The following KANSL1 variants were observed in gnomAD, a reference collection of about 807,000 sequenced individuals.
The protein encoded by KANSL1 is KAT8 regulatory NSL complex subunit 1, also known as MLL1/MLL complex subunit KANSL1.
Under a neutral mutation model 103.6 loss-of-function variants are expected in KANSL1, and 22 were observed. That is an observed-to-expected ratio of 0.21 (90% confidence interval 0.15 to 0.30). KANSL1 has a LOEUF of 0.30. Ranked by LOEUF, KANSL1 falls within the 10% of genes least tolerant of loss-of-function variation. The probability of loss-of-function intolerance (pLI) is 1.00; values close to 1 mark genes in which losing one functional copy is unlikely to be tolerated. For missense variants in KANSL1, 1,337 were observed against 1,399.8 expected (o/e 0.96, Z 0.72); for synonymous variants, 600 against 527.6 (o/e 1.14, Z -1.88).
chr17:46,137,189 C>A (rs995934905), intron 2 of KANSL1, among the ~76,000 whole-genome samples: 16 of 152,184 alleles, frequency 1.1e-4, no homozygotes, highest in Non-Finnish European at 1.9e-4. Flanking sequence ...TGCCTCTTGG[C>A]CCTCTTACCT....
chr17:46,196,240 T>C (rs1283754418), upstream of KANSL1: 8 of 442,700 alleles, frequency 1.8e-5, no homozygotes, highest in Non-Finnish European at 3.2e-5. Context: ...CATCTCAAAA[T>C]GAAAAGTGAT....
At chr17:46,195,900 T>G (rs2147956333), upstream of KANSL1, among the ~76,000 whole-genome samples, 2 of 152,306 alleles carry the variant, frequency 1.3e-5, no homozygotes, top group South Asian at 4.1e-4. Context: ...TCCAAAAGGC[T>G]GATTGAAAAC....
intron 2 of KANSL1, among the ~76,000 whole-genome samples, chr17:46,155,285 G>C (rs1429161089): frequency 1.3e-5 from 2 of 150,416 alleles, no homozygotes; most frequent in Admixed American, 6.7e-5. Flanking sequence ...AACTTCCCAA[G>C]TAGCTGGGAC....
chr17:46,111,716 T>C lies in KANSL1; in HGVS notation c.1290-17015A>G, dbSNP rs1009892569. ...AATTCTCAGAAGAAAGAACATTGTA[T>C]TTAATTGTTGATATTGATATAACCA... On this transcript the variant is annotated intron_variant, in intron 2 of 14. Transcript: ENST00000432791. Among the ~76,000 whole-genome samples the C allele has an allele frequency of 9.8e-4, 150 of 152,316 alleles. 1 individual carries two copies. Among genetic ancestry groups the C allele is most frequent in the South Asian group, 8.3e-4 (4 of 4,828 alleles).
At chr17:46,093,426 C>T (rs549719431) in intron 3 of KANSL1, 8 of 152,298 alleles carry the variant, frequency 5.3e-5, no homozygotes, top group Admixed American at 5.2e-4. Context: ...AAAAAGTGAG[C>T]CCTCTGGACT....
chr17:46,039,033 T>C lies in KANSL1; in HGVS notation c.2386A>G (p.Ser796Gly). The change falls in exon 9 of 15, where the codon AGT (serine) becomes GGT (glycine). Residue 796 changes from serine (S) to glycine (G), a missense_variant. Ser to Gly is a moderately conservative substitution (Grantham distance 56). Transcript: ENST00000432791. ...GCCATGGGCCTGGCCCTACCTTCAC[T>C]TCTCTCAGATGAATGGTCTCGCAAT... ...MRLRDHSSER[S>G]EVLKHHTDMS... 6.2e-7 allele frequency: 1 copy of C among 1,610,426 alleles called. No homozygotes were observed. The highest frequency in any genetic ancestry group is 2.2e-5 in the East Asian group (1 of 44,806).
intron 2 of KANSL1, among the ~76,000 whole-genome samples, chr17:46,107,679 CCCT>C (rs1185485904): frequency 1.3e-5 from 2 of 152,128 alleles, no homozygotes; most frequent in Non-Finnish European, 2.9e-5. Flanking sequence ...GAAATCGCTC[CCCT>C]CAACTCCAGA....
chr17:46,196,850 T>C (rs935945749), upstream of KANSL1: 1 of 185,304 alleles, frequency 5.4e-6, no homozygotes, highest in East Asian at 1.8e-4. Flanking sequence ...CTCACACCTA[T>C]AATCCCAGCA....
At chr17:46,095,531 C>T (rs2042023707) in intron 2 of KANSL1, among the ~76,000 whole-genome samples, 1 of 152,182 alleles carries the variant, frequency 6.6e-6, no homozygotes, top group Admixed American at 6.5e-5. Flanking sequence ...ATAAATAGTA[C>T]TAAACTGGCC....
intron 6 of KANSL1, among the ~76,000 whole-genome samples, chr17:46,055,907 G>A (rs2077909168): frequency 6.6e-6 from 1 of 152,260 alleles, no homozygotes; most frequent in South Asian, 2.1e-4. Context: ...TTCAACAAAT[G>A]AATCAGGAAA....
At chr17:46,222,691 C>G (rs1383672486) in intron 1 of KANSL1, 1 of 152,242 alleles carries the variant, frequency 6.6e-6, no homozygotes, top group African/African-American at 2.4e-5. Flanking sequence ...CTGATTTCTC[C>G]TCTGCATCAA....
At position 46,128,069 on chromosome 17, in the gene KANSL1, G is replaced by A. The variant is rs547582584; in HGVS notation, c.1290-33368C>T. Among the ~76,000 whole-genome samples the A allele has an allele frequency of 7.2e-5, 11 of 152,214 alleles. No individual in the cohort carries two copies. The East Asian group carries it at 2.1e-3, about 29-fold the overall frequency. ...GGGCTCAAGTGATGCTCCTGCCTGG[G>A]CTTTCCAAAGTGCTGGGGTTACAAG... On this transcript the variant is annotated intron_variant, in intron 2 of 14. Transcript: ENST00000432791.
At chr17:46,059,647 AAG>A (rs56065215) in intron 6 of KANSL1, among the ~76,000 whole-genome samples, 6 of 54,872 alleles carry the variant, frequency 1.1e-4, no homozygotes, top group East Asian at 1.4e-3. Context: ...AAAAAAAAAA[AAG>A]AGAGAGAGAG....
chr17:46,141,465 T>C (rs749620244), intron 2 of KANSL1, among the ~76,000 whole-genome samples: 1 of 152,230 alleles, frequency 6.6e-6, no homozygotes, highest in Non-Finnish European at 1.5e-5. Flanking sequence ...CTTAAGGGTC[T>C]AAGACAAATA....
intron 4 of KANSL1, among the ~76,000 whole-genome samples, chr17:46,073,390 G>A (rs2078646445): frequency 6.6e-6 from 1 of 152,088 alleles, no homozygotes; most frequent in African/African-American, 2.4e-5. Context: ...TAGAAGCAAT[G>A]TTTTTCGCTA....
chr17:46,191,273 C>T (rs2047307836), intron 1 of KANSL1, among the ~76,000 whole-genome samples: 1 of 152,202 alleles, frequency 6.6e-6, no homozygotes, highest in African/African-American at 2.4e-5. Context: ...TAGCATTAGG[C>T]ACAAAACAAT....
chr17:46,063,259 C>T (rs1192598742), intron 6 of KANSL1, among the ~76,000 whole-genome samples: 1 of 152,236 alleles, frequency 6.6e-6, no homozygotes, highest in Non-Finnish European at 1.5e-5. Context: ...AACTTCTTTG[C>T]TGTCATTAGA....
chr17:46,077,504 G>A (rs988692051), intron 4 of KANSL1, among the ~76,000 whole-genome samples: 15 of 152,040 alleles, frequency 9.9e-5, no homozygotes, highest in Admixed American at 5.2e-4. Context: ...TGATTTTCAC[G>A]ATTTTTACTA....
intron 6 of KANSL1, among the ~76,000 whole-genome samples, chr17:46,059,414 T>A (rs1261322781): frequency 6.6e-6 from 1 of 150,764 alleles, no homozygotes; most frequent in African/African-American, 2.4e-5. Flanking sequence ...AGGTCAGGAG[T>A]TCGAAACCAG....
Sources: allele counts gnomAD v4.1 joint callset (sites outside exome capture counted in the v4.1 genomes callset), GRCh38; gene constraint gnomAD v4.1.1; transcripts MANE v1.5; gene names NCBI Gene and HGNC (gene_info 2026-07-23, HGNC 2026-07-21).